PALLD: variants seen among roughly 807,000 people sequenced by gnomAD.
PALLD encodes the protein palladin.
In PALLD, 61 loss-of-function variants were observed where a neutral mutation model predicts 123.5. That is an observed-to-expected ratio of 0.49 (90% CI 0.40 to 0.61). The LOEUF is 0.61. PALLD is among the 20% of genes least tolerant of loss of function. The probability of loss-of-function intolerance (pLI) is 0.00; values close to 1 mark genes in which losing one functional copy is unlikely to be tolerated. For synonymous variants in PALLD, 465 were observed against 496.4 expected, an observed-to-expected ratio of 0.94 and a Z score of 0.84; for missense variants, 1,273 against 1,377.0, an observed-to-expected ratio of 0.92 and a Z score of 1.20.
In PALLD at chr4:168,909,384, G is replaced by A. The variant is rs1487270571; in HGVS notation, c.2623-4543G>A. Among the ~76,000 whole-genome samples, 19 of 151,988 alleles carry A rather than the reference G, an allele frequency of 1.3e-4. No homozygotes were observed. The South Asian group carries it at 3.5e-3, about 28-fold the overall frequency. Reference sequence around the variant, plus strand: ...TTATTTCCATATTACATAAATAATTGGCCTTGCACAAGGTATGAAATAATC... The same window carrying A: ...TTATTTCCATATTACATAAATAATTAGCCTTGCACAAGGTATGAAATAATC... On this transcript the variant is annotated intron_variant, in intron 15 of 21. Coordinates refer to ENST00000505667, the MANE Select transcript of PALLD (RefSeq NM_001166108.2).
chr4:168,588,366 C>T (rs1033996039), intron 2 of PALLD, among the ~76,000 whole-genome samples: 1 of 151,994 alleles, frequency 6.6e-6, no homozygotes, highest in African/African-American at 2.4e-5. Context: ...AGATGGTTGT[C>T]TGCAGATTTT....
chr4:168,618,595 T>A (rs1421553696), intron 2 of PALLD, among the ~76,000 whole-genome samples: 2 of 152,222 alleles, frequency 1.3e-5, no homozygotes, highest in African/African-American at 4.8e-5. Flanking sequence ...GCAAGTGCTT[T>A]GAAAGGCCAG....
chr4:168,928,341 T>TATCA lies in PALLD; in HGVS notation c.*2170_*2173dup, dbSNP rs71719276. On this transcript the variant is annotated 3_prime_UTR_variant, in exon 22 of 22. Coordinates refer to ENST00000505667, the MANE Select transcript of PALLD (RefSeq NM_001166108.2). The stretch of plus-strand genomic sequence containing the variant: ...ATTGTATTTATAAAAAAAAAAGTAC[T>TATCA]ATCAATCAATCATACTACTTTGGAT... The TATCA allele has an allele frequency of 1.6e-4, 30 of 182,520 alleles. No homozygotes were observed. The highest frequency in any genetic ancestry group is 2.0e-4 in the South Asian group (1 of 5,082). 11.3% of individuals were successfully genotyped at this position (182,520 alleles called of 1,614,324 possible). A position where few individuals can be genotyped will look rare whatever the true frequency, so the allele number is the denominator to read the frequency against.
intron 2 of PALLD, among the ~76,000 whole-genome samples, chr4:168,567,610 T>C (rs1403555403): frequency 2.7e-5 from 4 of 149,208 alleles, no homozygotes; most frequent in Non-Finnish European, 5.9e-5. Context: ...ATATATATAA[T>C]ATACACACAT....
intron 10 of PALLD, among the ~76,000 whole-genome samples, chr4:168,738,641 G>A (rs1382492138): frequency 1.4e-5 from 2 of 145,288 alleles, no homozygotes; most frequent in Non-Finnish European, 3.0e-5. Context: ...ATGTTGGCCA[G>A]GCTGGCCTCG....
intron 14 of PALLD, among the ~76,000 whole-genome samples, chr4:168,900,489 A>T (rs906361306): frequency 4.6e-5 from 7 of 152,210 alleles, no homozygotes; most frequent in Non-Finnish European, 8.8e-5. Context: ...ACTCAATGAA[A>T]TAAAAAGCTT....
rs75368888 is a variant in PALLD, at chr4:168,530,064, T to G, written c.908+17652T>G. Among the ~76,000 whole-genome samples the G allele has an allele frequency of 3.1e-3, 476 of 152,326 alleles. 6 individuals carry two copies. Among genetic ancestry groups the G allele is most frequent in the African/African-American group, 0.011 (452 of 41,576 alleles). On this transcript the variant is annotated intron_variant, in intron 2 of 21. Transcript: ENST00000505667. ...GTTCTGTGTTAGAACAATTACATAC[T>G]GTAAAGAATTAGAAGTTTTTGAGGA...
At chr4:168,610,052 T>C (rs935677665) in intron 2 of PALLD, among the ~76,000 whole-genome samples, 4 of 152,238 alleles carry the variant, frequency 2.6e-5, no homozygotes, top group African/African-American at 9.6e-5. Flanking sequence ...TGCATATATT[T>C]TTCTACTTAG....
intron 10 of PALLD, among the ~76,000 whole-genome samples, chr4:168,767,521 T>C (rs990812094): frequency 7.9e-5 from 12 of 151,422 alleles, no homozygotes; most frequent in African/African-American, 2.2e-4. Context: ...CATACTGAGG[T>C]TTATTTACTC....
chr4:168,666,141 A>G (rs115245165), intron 2 of PALLD, among the ~76,000 whole-genome samples: 8 of 152,332 alleles, frequency 5.3e-5, no homozygotes, highest in African/African-American at 1.7e-4. Context: ...AAGTTCACTG[A>G]GTTAGAGGAC....
In PALLD at chr4:168,808,101, C is replaced by T. The variant is rs904600741; in HGVS notation, c.1965-82821C>T. On this transcript the variant is annotated intron_variant, in intron 10 of 21. Transcript: ENST00000505667. Reference sequence around the variant, plus strand: ...TCTCATATGTGTAATATAAGTACTACATATCCCAGTAAGCCCATGAAAATA... The same window carrying T: ...TCTCATATGTGTAATATAAGTACTATATATCCCAGTAAGCCCATGAAAATA... Among the ~76,000 whole-genome samples the T allele has an allele frequency of 3.3e-5, 5 of 151,848 alleles. 1 individual carries two copies. The highest frequency in any genetic ancestry group is 1.2e-4 in the African/African-American group (5 of 41,312).
chr4:168,826,810 A>T (rs1743479955), intron 10 of PALLD, among the ~76,000 whole-genome samples: 1 of 152,148 alleles, frequency 6.6e-6, no homozygotes, highest in Non-Finnish European at 1.5e-5. Flanking sequence ...CCACTTCACA[A>T]ATGAGAAAAC....
At chr4:168,817,979 G>A (rs1742212411) in intron 10 of PALLD, among the ~76,000 whole-genome samples, 1 of 152,196 alleles carries the variant, frequency 6.6e-6, no homozygotes. Flanking sequence ...TGGGTAGAGA[G>A]CTAAACTGGA....
chr4:168,785,058 CTTTTTTTTTTTTTTTTTT>C (rs746597278), intron 10 of PALLD, among the ~76,000 whole-genome samples: 1 of 84,832 alleles, frequency 1.2e-5, no homozygotes, highest in Admixed American at 1.8e-4. Flanking sequence ...CTCCCTTTTG[CTTTTTTTTTTTTTTTTTT>C]TTTTTTTTTT....
chr4:168,654,961 C>A (rs1024848386), intron 2 of PALLD: 5 of 149,552 alleles, frequency 3.3e-5, no homozygotes, highest in African/African-American at 1.2e-4. Flanking sequence ...GATGTTAAAT[C>A]CAGGCATATA....
At chr4:168,772,474 G>A (rs1734586789) in intron 10 of PALLD, among the ~76,000 whole-genome samples, 1 of 152,204 alleles carries the variant, frequency 6.6e-6, no homozygotes, top group South Asian at 2.1e-4. Context: ...CCAGAGTGAT[G>A]ATGCCCAAAA....
chr4:168,806,025 T>C (rs1740143407), intron 10 of PALLD, among the ~76,000 whole-genome samples: 1 of 152,192 alleles, frequency 6.6e-6, no homozygotes, highest in South Asian at 2.1e-4. Context: ...ATTCTCATGA[T>C]AGTGAGTGAG....
rs1167872019 is a variant in PALLD at position 168,926,856 on chromosome 4, G to GAAAGA, written c.*678_*682dup. The GAAAGA allele has an allele frequency of 9.1e-6, 2 of 220,696 alleles. No homozygotes were observed. Among genetic ancestry groups the GAAAGA allele is most frequent in the African/African-American group, 4.5e-5 (2 of 44,670 alleles). The allele number at this position is 220,696 out of a possible 1,614,324, so 13.7% of individuals were successfully genotyped here. On this transcript the variant is annotated 3_prime_UTR_variant, in exon 22 of 22. Coordinates refer to ENST00000505667, the MANE Select transcript of PALLD (RefSeq NM_001166108.2). ...TGAACCAAGTGCAATATGTAAGGAT[G>GAAAGA]AAAGAAGAAGAGATGACAAAGAAAT...
At chr4:168,873,754 C>T (rs1016274772) in intron 10 of PALLD, among the ~76,000 whole-genome samples, 2 of 152,230 alleles carry the variant, frequency 1.3e-5, no homozygotes, top group East Asian at 3.9e-4. Flanking sequence ...CCCTTGGACA[C>T]ATTACTTGAC....
Sources: allele counts gnomAD v4.1 joint callset (sites outside exome capture counted in the v4.1 genomes callset), GRCh38; gene constraint gnomAD v4.1.1; transcripts MANE v1.5; gene names NCBI Gene and HGNC (gene_info 2026-07-23, HGNC 2026-07-21).